Variants in CLTC observed in about 807,000 individuals in gnomAD.
CLTC encodes the protein clathrin heavy chain 1.
CLTC carries 16 observed loss-of-function variants against 195.8 expected under a neutral mutation model. That is an observed-to-expected ratio of 0.08 (90% CI 0.06 to 0.12). The LOEUF (loss-of-function observed/expected upper bound fraction) is 0.12, where lower values mean the gene tolerates loss of function less well. Among genes scored for constraint, CLTC ranks in the 10% least tolerant of loss-of-function variants. The pLI is 1.00. For synonymous variants in CLTC, 667 were observed against 689.4 expected (o/e 0.97, Z 0.51); for missense variants, 796 against 2,027.0 (o/e 0.39, Z 11.66).
chr17:59,623,432 G>A (rs1452120694), intron 1 of CLTC, among the ~76,000 whole-genome samples: 1 of 152,198 alleles, frequency 6.6e-6, no homozygotes, highest in East Asian at 1.9e-4. Context: ...AGCTTAAAGT[G>A]TGTGGTTAAT....
chr17:59,679,228 A>T, intron 17 of CLTC, 169 bp from the exon 18 acceptor site: 1 of 469,384 alleles, frequency 2.1e-6, no homozygotes, highest in Non-Finnish European at 3.8e-6. Flanking sequence ...TACAAAGTCT[A>T]TATAATTAAA....
chr17:59,664,136 C>T lies in CLTC; in HGVS notation c.1521+142C>T, dbSNP rs571901377. Reference sequence around the variant, plus strand: ...TGAAATGTATAAAAATTCTCTTACCCCTCATATCAAATTCATACTTGTTAA... The same window carrying T: ...TGAAATGTATAAAAATTCTCTTACCTCTCATATCAAATTCATACTTGTTAA... On this transcript the variant is annotated intron_variant, in intron 9 of 31. Coordinates refer to ENST00000269122, the MANE Select transcript of CLTC (RefSeq NM_004859.4). 1.1e-5 allele frequency: 8 copies of T among 709,550 alleles called. No homozygotes were observed. The South Asian group carries it at 1.7e-4, about 15-fold the overall frequency. The allele number at this position is 709,550 out of a possible 1,614,324, so 44.0% of individuals were successfully genotyped here.
chr17:59,675,012 G>GTTT (rs764035339), intron 16 of CLTC, among the ~76,000 whole-genome samples, 169 bp downstream of exon 16: 21 of 152,218 alleles, frequency 1.4e-4, no homozygotes, highest in Non-Finnish European at 2.5e-4. Flanking sequence ...GAAAAAATCT[G>GTTT]TTTTCTGAAA....
chr17:59,634,413 A>G (rs749097070), intron 1 of CLTC, among the ~76,000 whole-genome samples: 30 of 152,182 alleles, frequency 2.0e-4, no homozygotes, highest in Non-Finnish European at 3.8e-4. Context: ...ACATTGGCCT[A>G]ATTGATCTGA....
Position 59,683,660 on chromosome 17 carries a change from G to A in CLTC, c.4227G>A (p.Gln1409=). ...TGGAACTATACTACAGAGCAATACA[G>A]TTCTACTTAGAATTCAAGCCTCTGT... The part of the protein sequence containing the change: ...ANVELYYRAI[Q]FYLEFKPLLL... Residue 1409 remains glutamine (Q), a synonymous_variant, in exon 27 of 32, where the codon CAG becomes CAA. Coordinates refer to ENST00000269122, the MANE Select transcript of CLTC (RefSeq NM_004859.4). This position sits in a 1 kb window ranked among gnomAD's most constrained non-coding sequence, Gnocchi z 6.1. 1.2e-6 allele frequency: 2 copies of A among 1,614,138 alleles called. No individual in the cohort carries two copies.
intron 15 of CLTC, among the ~76,000 whole-genome samples, chr17:59,674,095 T>G (rs2032912340): frequency 6.6e-6 from 1 of 152,050 alleles, no homozygotes; most frequent in Non-Finnish European, 1.5e-5. Context: ...GCAGAATCCT[T>G]TCTTGGAATA....
In CLTC at chr17:59,619,960, C is replaced by T. The variant is rs926243235; in HGVS notation, c.-172C>T. On this transcript the variant is annotated 5_prime_UTR_variant, in exon 1 of 32. Transcript: ENST00000269122. Reference sequence around the variant, plus strand: ...GCGGCTCTCCTGGCCCCTGGAGCCTCCGCCCCCGACCCGAGCTCTTTCGTC... The same window carrying T: ...GCGGCTCTCCTGGCCCCTGGAGCCTTCGCCCCCGACCCGAGCTCTTTCGTC... 26 of 607,984 alleles carry T rather than the reference C, an allele frequency of 4.3e-5. No individual in the cohort carries two copies. Among genetic ancestry groups the T allele is most frequent in the East Asian group, 1.4e-4 (5 of 35,892 alleles). 37.7% of individuals were successfully genotyped at this position (607,984 alleles called of 1,614,324 possible). A position where few individuals can be genotyped will look rare whatever the true frequency, so the allele number is the denominator to read the frequency against.
intron 13 of CLTC, among the ~76,000 whole-genome samples, chr17:59,667,884 G>C (rs2032766223): frequency 6.6e-6 from 1 of 152,168 alleles, no homozygotes. Context: ...TGTACTAGTA[G>C]TACTCTATTG....
In CLTC at chr17:59,685,906, TAAGTC is replaced by T. The variant is rs2033173622; in HGVS notation, c.4827+100_4827+104del. 1.1e-6 allele frequency: 1 copy of T among 931,860 alleles called. No individual in the cohort carries two copies. The highest frequency in any genetic ancestry group is 1.7e-5 in the African/African-American group (1 of 59,624). 57.7% of individuals were successfully genotyped at this position (931,860 alleles called of 1,614,324 possible). On this transcript the variant is annotated intron_variant, in intron 30 of 31. Transcript: ENST00000269122. The surrounding 1 kb of genome is among the most constrained non-coding windows in gnomAD (Gnocchi z 5.0). ...TAAATGCTTTTTTCTTTAGTAGAAG[TAAGTC>T]ATTTAGTCGATCATAAAATATTCCT...
At chr17:59,660,296 C>A in intron 6 of CLTC, 95 bp from the exon 7 acceptor site, 2 of 1,022,430 alleles carry the variant, frequency 2.0e-6, no homozygotes, top group Non-Finnish European at 1.5e-6. Flanking sequence ...ATTTCATTAC[C>A]TTTGTGACTC....
intron 6 of CLTC, among the ~76,000 whole-genome samples, chr17:59,657,533 G>A (rs899366688): frequency 1.3e-5 from 2 of 151,996 alleles, no homozygotes; most frequent in Non-Finnish European, 2.9e-5. Flanking sequence ...TTGGGAGGCC[G>A]ATGCGGGCAG....
At chr17:59,659,764 T>C (rs1472909242) in intron 6 of CLTC, among the ~76,000 whole-genome samples, 1 of 152,104 alleles carries the variant, frequency 6.6e-6, no homozygotes. Context: ...TTCAAGCACC[T>C]ACCATGTTCC....
intron 1 of CLTC, among the ~76,000 whole-genome samples, chr17:59,620,924 C>T (rs886355424): frequency 1.3e-5 from 2 of 152,306 alleles, no homozygotes; most frequent in African/African-American, 4.8e-5. Flanking sequence ...CTCTTAACCC[C>T]TCTTTGGTTC....
intron 1 of CLTC, among the ~76,000 whole-genome samples, chr17:59,642,023 T>TTA (rs1191066921): frequency 1.4e-5 from 2 of 144,130 alleles, no homozygotes; most frequent in African/African-American, 5.3e-5. Flanking sequence ...TTTTTTTTTT[T>TTA]ACAAGTAAAA....
chr17:59,666,313 T>TA lies in CLTC; in HGVS notation c.1782+74dup. Reference sequence around the variant, plus strand: ...AATTGTGCAGCGCCTCTCAGATTGTTATGCAAAGCTACTGAGGGGCCTACT... The same window carrying TA: ...AATTGTGCAGCGCCTCTCAGATTGTTAATGCAAAGCTACTGAGGGGCCTACT... On this transcript the variant is annotated intron_variant, in intron 11 of 31. Transcript: ENST00000269122. The surrounding 1 kb of genome is among the most constrained non-coding windows in gnomAD (Gnocchi z 4.9). 1 of 1,572,752 alleles carries TA rather than the reference T, an allele frequency of 6.4e-7. No individual in the cohort carries two copies. The highest frequency in any genetic ancestry group is 8.7e-7 in the Non-Finnish European group (1 of 1,148,560).
Position 59,675,879 on chromosome 17 carries a change from T to A in CLTC, c.2561+1036T>A, listed in dbSNP as rs1473685319. Among the ~76,000 whole-genome samples, 3 of 152,274 alleles carry A rather than the reference T, an allele frequency of 2.0e-5. No individual in the cohort carries two copies. In the South Asian group the frequency reaches 6.2e-4, roughly 31 times the overall value. On this transcript the variant is annotated intron_variant, in intron 16 of 31. Coordinates refer to ENST00000269122, the MANE Select transcript of CLTC (RefSeq NM_004859.4). ...CTAATTTTTATTCCTTAAGTTGACATGGCGTATCTTGGATTGCACATGTTT... is the reference window on the plus strand; with the variant it reads ...CTAATTTTTATTCCTTAAGTTGACAAGGCGTATCTTGGATTGCACATGTTT...
At position 59,683,540 on chromosome 17, in the gene CLTC, T is replaced by C. The variant is rs1202534946; in HGVS notation, c.4191+4T>C. The stretch of plus-strand genomic sequence containing the variant: ...ATTCAAAGATATCATTACCAAGGTG[T>C]GTACTTTCTTCAGAAGATAAAGGAT... On this transcript the variant is annotated splice_donor_region_variant and intron_variant, in intron 26 of 31. Coordinates refer to ENST00000269122, the MANE Select transcript of CLTC (RefSeq NM_004859.4). This position sits in a 1 kb window ranked among gnomAD's most constrained non-coding sequence, Gnocchi z 6.1. 6.2e-7 allele frequency: 1 copy of C among 1,613,526 alleles called. No homozygotes were observed. Among genetic ancestry groups the C allele is most frequent in the Non-Finnish European group, 8.5e-7 (1 of 1,179,752 alleles).
intron 13 of CLTC, among the ~76,000 whole-genome samples, chr17:59,668,511 C>T (rs113465603): frequency 0.053 from 8,107 of 152,186 alleles, 715 homozygotes; most frequent in African/African-American, 0.19. Flanking sequence ...GATCGTGCCA[C>T]TGCACTCCAG....
At chr17:59,689,674 G>A (rs151328827) in intron 30 of CLTC, 14 of 152,298 alleles carry the variant, frequency 9.2e-5, no homozygotes, top group African/African-American at 2.9e-4. Flanking sequence ...TGTAAAAGGC[G>A]CAATGGAATT....
Sources: allele counts gnomAD v4.1 joint callset (sites outside exome capture counted in the v4.1 genomes callset), GRCh38; gene constraint gnomAD v4.1.1; non-coding constraint Gnocchi (gnomAD v3.1); transcripts MANE v1.5; gene names NCBI Gene and HGNC (gene_info 2026-07-23, HGNC 2026-07-21).